The following MTARC1 variants were observed in gnomAD, a reference collection of about 807,000 sequenced individuals.
MTARC1 encodes the protein mitochondrial amidoxime-reducing component 1.
Under a neutral mutation model 33.6 loss-of-function variants are expected in MTARC1, and 24 were observed. The ratio of observed to expected loss-of-function variants is 0.72; its 90% CI spans 0.52 to 1.01. MTARC1 has a LOEUF of 1.01. Ranked by LOEUF, MTARC1 falls within the 50% of genes least tolerant of loss-of-function variation. MTARC1 has a pLI of 0.00. For synonymous variants in MTARC1, 187 were observed against 189.5 expected (o/e 0.99, Z 0.11); for missense variants, 417 against 445.7 (o/e 0.94, Z 0.58).
intron 1 of MTARC1, 139 bp from the exon 2 acceptor site, chr1:220,791,352 G>C (rs564495920): frequency 2.3e-6 from 2 of 867,452 alleles, no homozygotes; most frequent in African/African-American, 3.4e-5. Flanking sequence ...AGGACAGACA[G>C]ACACACACAC....
At chr1:220,807,932 C>A (rs1673018666) in intron 6 of MTARC1, among the ~76,000 whole-genome samples, 1 of 152,096 alleles carries the variant, frequency 6.6e-6, no homozygotes. Flanking sequence ...GTGCAGCACA[C>A]CGACTGCTGT....
At chr1:220,806,231 G>C (rs1265871952) in intron 6 of MTARC1, among the ~76,000 whole-genome samples, 1 of 152,176 alleles carries the variant, frequency 6.6e-6, no homozygotes, top group African/African-American at 2.4e-5. Context: ...AATGAACTAA[G>C]GGTGCTTCTC....
At chr1:220,812,956 C>T (rs907541759) in intron 6 of MTARC1, among the ~76,000 whole-genome samples, 1 of 152,094 alleles carries the variant, frequency 6.6e-6, no homozygotes, top group Non-Finnish European at 1.5e-5. Flanking sequence ...GATCTCCATC[C>T]TGGTTGTGAT....
chr1:220,787,139 T>C lies in MTARC1; in HGVS notation c.195T>C (p.Pro65=), dbSNP rs140448320. Reference sequence around the variant, plus strand: ...CAGTGGCGCAGCTCTGGATCTACCCTGTGAAATCCTGCAAGGGGGTGCCGG... The same window carrying C: ...CAGTGGCGCAGCTCTGGATCTACCCCGTGAAATCCTGCAAGGGGGTGCCGG... ...VGTVAQLWIY[P]VKSCKGVPVS... The change falls in exon 1 of 7, where the codon CCT becomes CCC. Residue 65 remains proline (P), a synonymous_variant. Coordinates refer to ENST00000366910, the MANE Select transcript of MTARC1 (RefSeq NM_022746.4). 148 of 1,568,616 alleles carry C rather than the reference T, an allele frequency of 9.4e-5. No individual in the cohort carries two copies. The African/African-American group carries it at 1.8e-3, about 19-fold the overall frequency.
chr1:220,809,701 G>C (rs1474233064), intron 6 of MTARC1, among the ~76,000 whole-genome samples: 1 of 152,106 alleles, frequency 6.6e-6, no homozygotes, highest in Non-Finnish European at 1.5e-5. Context: ...GTAGAGACAG[G>C]GTTTCACCAT....
At chr1:220,809,034 C>T in intron 6 of MTARC1, 1 of 423,678 alleles carries the variant, frequency 2.4e-6, no homozygotes, top group South Asian at 1.7e-5. Flanking sequence ...TGACATTTGC[C>T]AGCAGCCACT....
intron 6 of MTARC1, among the ~76,000 whole-genome samples, chr1:220,807,880 G>A (rs1179802174): frequency 6.6e-6 from 1 of 152,064 alleles, no homozygotes; most frequent in Admixed American, 6.5e-5. Context: ...AGCAGGGTGG[G>A]CCAGCGGGAA....
At chr1:220,794,152 T>C (rs1349543033) in intron 2 of MTARC1, 1 of 152,128 alleles carries the variant, frequency 6.6e-6, no homozygotes, top group Non-Finnish European at 1.5e-5. Context: ...CCACTGTGTG[T>C]GCCCTCCCAC....
chr1:220,787,349 T>A (rs764091369), intron 1 of MTARC1, 130 bp downstream of exon 1: 31 of 1,335,418 alleles, frequency 2.3e-5, no homozygotes, highest in Non-Finnish European at 3.0e-5. Context: ...AAACTGGGAG[T>A]TGGGTGAGAC....
chr1:220,819,624 A>G lies in MTARC1; in HGVS notation c.*6206A>G, dbSNP rs1308627372. On this transcript the variant is annotated 3_prime_UTR_variant, in exon 7 of 7. Coordinates refer to ENST00000366910, the MANE Select transcript of MTARC1 (RefSeq NM_022746.4). ...GCTCATTATGCTCACAGGGCTTTTG[A>G]AAAGAGAACAAAATAAAGATTTCAA... is the stretch of plus-strand genomic sequence containing the variant. The G allele has an allele frequency of 6.6e-6, 1 of 152,230 alleles. No homozygotes were observed. The highest frequency in any genetic ancestry group is 1.5e-5 in the Non-Finnish European group (1 of 68,046). 9.4% of individuals were successfully genotyped at this position (152,230 alleles called of 1,614,324 possible).
rs754624092 is a variant in MTARC1, at chr1:220,797,859, C to T, written c.613-15C>T. 2.3e-5 allele frequency: 37 copies of T among 1,613,596 alleles called. No individual in the cohort carries two copies. Among genetic ancestry groups the T allele is most frequent in the Non-Finnish European group, 2.8e-5 (33 of 1,179,750 alleles). The stretch of plus-strand genomic sequence containing the variant: ...GGTGTGCCATGTGTTATAACAATGT[C>T]TATTTCCTTATCAGATTGCTTACTC... On this transcript the variant is annotated splice_polypyrimidine_tract_variant and intron_variant, in intron 3 of 6. Coordinates refer to ENST00000366910, the MANE Select transcript of MTARC1 (RefSeq NM_022746.4).
chr1:220,793,500 T>C (rs1340397250), intron 2 of MTARC1: 5 of 152,194 alleles, frequency 3.3e-5, no homozygotes. Flanking sequence ...ATCTTCTGGA[T>C]TCAGGTTTCT....
intron 4 of MTARC1, among the ~76,000 whole-genome samples, chr1:220,802,529 G>A (rs1162100735): frequency 6.6e-6 from 1 of 152,116 alleles, no homozygotes; most frequent in Admixed American, 6.5e-5. Flanking sequence ...ACAGGGTTTT[G>A]CCATGTTGGC....
intron 6 of MTARC1, 107 bp from the exon 7 acceptor site, chr1:220,813,185 C>T: frequency 1.4e-6 from 2 of 1,455,748 alleles, no homozygotes; most frequent in African/African-American, 1.4e-5. Context: ...GGGATGGTGC[C>T]CTCTCGAGCT....
intron 2 of MTARC1, among the ~76,000 whole-genome samples, chr1:220,795,904 C>A (rs1169404496): frequency 6.6e-6 from 1 of 152,110 alleles, no homozygotes; most frequent in African/African-American, 2.4e-5. Flanking sequence ...ACCCAGGTGC[C>A]ATCTACAGTT....
intron 6 of MTARC1, chr1:220,809,006 C>G (rs1038090063): frequency 2.2e-6 from 1 of 447,734 alleles, no homozygotes. Flanking sequence ...GCTGGATGCA[C>G]GAATACTGTG....
rs1673239757 is a variant in MTARC1 at position 220,814,741 on chromosome 1, T to TA, written c.*1329dup. 1 of 151,434 alleles carries TA rather than the reference T, an allele frequency of 6.6e-6. No individual in the cohort carries two copies. Among genetic ancestry groups the TA allele is most frequent in the Non-Finnish European group, 1.5e-5 (1 of 67,934 alleles). The allele number at this position is 151,434 out of a possible 1,614,324, so 9.4% of individuals were successfully genotyped here. ...GAGTGATAGAGTGAGACCCTATCTC[T>TA]AAAAAAGAAACAGGAAAAAAAAAGA... On this transcript the variant is annotated 3_prime_UTR_variant, in exon 7 of 7. Coordinates refer to ENST00000366910, the MANE Select transcript of MTARC1 (RefSeq NM_022746.4).
intron 3 of MTARC1, 102 bp from the exon 4 acceptor site, chr1:220,797,772 G>T: frequency 9.7e-7 from 1 of 1,033,966 alleles, no homozygotes. Flanking sequence ...GATTGTGTGT[G>T]GGGTGGGGTG....
intron 3 of MTARC1, chr1:220,797,623 A>G (rs574221819): frequency 2.1e-6 from 1 of 485,804 alleles, no homozygotes. Flanking sequence ...CCAAGGGCAC[A>G]TGCCTTGTGG....
Sources: gnomAD v4.1 joint callset for allele counts (sites outside exome capture counted in the v4.1 genomes callset) on GRCh38, gnomAD v4.1.1 for gene constraint, MANE v1.5 for transcripts, NCBI Gene and HGNC (gene_info 2026-07-23, HGNC 2026-07-21) for gene names.